Variants in PAK2 observed in about 807,000 individuals in gnomAD.
PAK2 encodes serine/threonine-protein kinase PAK 2.
PAK2 carries 21 observed loss-of-function variants against 65.9 expected under a neutral mutation model. The observed-to-expected ratio is 0.32, with a 90% CI of 0.23 to 0.46. PAK2 has a LOEUF of 0.46. Ranked by LOEUF, PAK2 falls within the 20% of genes least tolerant of loss-of-function variation. The pLI is 1.00. For missense variants in PAK2, 324 were observed against 642.6 expected, an observed-to-expected ratio of 0.50 and a Z score of 5.36; for synonymous variants, 204 against 219.7, an observed-to-expected ratio of 0.93 and a Z score of 0.63.
At chr3:196,795,847 TG>T (rs1430068522) in intron 2 of PAK2, among the ~76,000 whole-genome samples, 11 of 152,208 alleles carry the variant, frequency 7.2e-5, no homozygotes, top group Non-Finnish European at 1.0e-4. Flanking sequence ...TGAAAAGCAC[TG>T]GATGTGGCAC....
chr3:196,768,659 CTTTATT>C (rs57677008), intron 1 of PAK2, among the ~76,000 whole-genome samples: 9,096 of 151,384 alleles, frequency 0.06, 502 homozygotes, highest in African/African-American at 0.14. Flanking sequence ...CCAGCTAATT[CTTTATT>C]TTTATTTATT....
chr3:196,781,186 G>GTATA (rs1714703738), intron 1 of PAK2, among the ~76,000 whole-genome samples: 1 of 152,132 alleles, frequency 6.6e-6, no homozygotes, highest in African/African-American at 2.4e-5. Context: ...TCTTTTCATT[G>GTATA]TATATATGCA....
intron 1 of PAK2, among the ~76,000 whole-genome samples, chr3:196,769,185 G>A (rs1437788474): frequency 6.6e-6 from 1 of 151,786 alleles, no homozygotes. Flanking sequence ...AAATTAGCTG[G>A]GCGTGATGGT....
intron 11 of PAK2, among the ~76,000 whole-genome samples, chr3:196,816,038 AT>A (rs1315012632): frequency 6.6e-6 from 1 of 152,122 alleles, no homozygotes; most frequent in Non-Finnish European, 1.5e-5. Context: ...TTCCACCTAT[AT>A]CTGAGCTTTT....
At chr3:196,776,338 G>A (rs746669988) in intron 1 of PAK2, among the ~76,000 whole-genome samples, 2 of 152,144 alleles carry the variant, frequency 1.3e-5, no homozygotes, top group African/African-American at 4.8e-5. Flanking sequence ...GTACTTCTGC[G>A]TACCAAAGTA....
At chr3:196,800,795 A>G (rs1715401966) in intron 2 of PAK2, among the ~76,000 whole-genome samples, 1 of 152,146 alleles carries the variant, frequency 6.6e-6, no homozygotes, top group Non-Finnish European at 1.5e-5. Context: ...CAACTTATAT[A>G]TATATAAAAT....
Position 196,806,983 on chromosome 3 carries a change from C to G in PAK2, c.576+297C>G, listed in dbSNP as rs535457253. Among the ~76,000 whole-genome samples, 54 of 152,206 alleles carry G rather than the reference C, an allele frequency of 3.5e-4. 2 individuals are homozygous for G. In the Middle Eastern group the frequency reaches 0.017, roughly 48 times the overall value. ...TATTTCCCAAGCTTTCTCTGTTTAT[C>G]TCAATGTAGATGACGACTAAATCTA... On this transcript the variant is annotated intron_variant, in intron 6 of 14. Coordinates refer to ENST00000327134, the MANE Select transcript of PAK2 (RefSeq NM_002577.4).
At chr3:196,773,898 C>T (rs917250442) in intron 1 of PAK2, among the ~76,000 whole-genome samples, 1 of 151,612 alleles carries the variant, frequency 6.6e-6, no homozygotes, top group Non-Finnish European at 1.5e-5. Flanking sequence ...TTCAATTAGC[C>T]GGGCGTGGTG....
At chr3:196,810,066 G>T (rs976520894) in intron 7 of PAK2, among the ~76,000 whole-genome samples, 6 of 151,810 alleles carry the variant, frequency 4.0e-5, no homozygotes, top group African/African-American at 1.5e-4. Flanking sequence ...ATGTATACTG[G>T]AAGAGTCAGA....
intron 1 of PAK2, among the ~76,000 whole-genome samples, chr3:196,752,847 C>T (rs1376527822): frequency 1.3e-5 from 2 of 152,054 alleles, no homozygotes; most frequent in Non-Finnish European, 2.9e-5. Context: ...CTGCCTTGGC[C>T]TCCCAAAGGG....
At chr3:196,767,249 T>C (rs1031757276) in intron 1 of PAK2, among the ~76,000 whole-genome samples, 1 of 152,164 alleles carries the variant, frequency 6.6e-6, no homozygotes, top group African/African-American at 2.4e-5. Context: ...ATATATCTTT[T>C]TGTATTTTTG....
At chr3:196,813,948 C>CA (rs1363077744) in intron 10 of PAK2, among the ~76,000 whole-genome samples, 1 of 151,898 alleles carries the variant, frequency 6.6e-6, no homozygotes, top group African/African-American at 2.4e-5. Context: ...GACTCTGTCT[C>CA]AAAAAAATAA....
intron 1 of PAK2, among the ~76,000 whole-genome samples, chr3:196,764,944 G>A (rs1053850562): frequency 2.7e-5 from 4 of 147,310 alleles, no homozygotes; most frequent in Non-Finnish European, 4.5e-5. Flanking sequence ...CCGGGTTCAC[G>A]CCATTCTCCT....
intron 1 of PAK2, among the ~76,000 whole-genome samples, chr3:196,767,321 A>G (rs559905019): frequency 1.3e-5 from 2 of 152,284 alleles, no homozygotes; most frequent in East Asian, 3.9e-4. Flanking sequence ...GTATATATGT[A>G]GTCGGTACTC....
intron 1 of PAK2, among the ~76,000 whole-genome samples, chr3:196,776,708 A>G (rs1577714417): frequency 6.6e-6 from 1 of 152,232 alleles, no homozygotes; most frequent in African/African-American, 2.4e-5. Flanking sequence ...CCAGGGAACC[A>G]ATATTTTCCA....
chr3:196,786,168 T>C (rs1343134058), intron 2 of PAK2, among the ~76,000 whole-genome samples: 6 of 143,866 alleles, frequency 4.2e-5, no homozygotes, highest in African/African-American at 9.9e-5. Flanking sequence ...CAATTTCTCT[T>C]TTTTTTTTTT....
chr3:196,751,067 C>T (rs551859923), intron 1 of PAK2, among the ~76,000 whole-genome samples: 1 of 152,240 alleles, frequency 6.6e-6, no homozygotes, highest in Non-Finnish European at 1.5e-5. Flanking sequence ...AGTAGCCTAT[C>T]TCTAATCTGT....
intron 2 of PAK2, among the ~76,000 whole-genome samples, chr3:196,787,580 G>GA (rs58321910): frequency 0.14 from 18,301 of 127,382 alleles, 1,622 homozygotes; most frequent in East Asian, 0.48. Flanking sequence ...CTCCGTCTCA[G>GA]AAAAAAAAAA....
intron 7 of PAK2, among the ~76,000 whole-genome samples, chr3:196,808,557 C>CAAAAAAAAAAAAA (rs1208200034): frequency 1.8e-3 from 102 of 56,550 alleles, no homozygotes; most frequent in African/African-American, 5.6e-3. Flanking sequence ...GACTCCATCT[C>CAAAAAAAAAAAAA]AAAAAAAAAA....
Sources: gnomAD v4.1 joint callset for allele counts (sites outside exome capture counted in the v4.1 genomes callset) on GRCh38, gnomAD v4.1.1 for gene constraint, MANE v1.5 for transcripts, NCBI Gene and HGNC (gene_info 2026-07-23, HGNC 2026-07-21) for gene names.